NRXN1: variants seen among roughly 807,000 people sequenced by gnomAD.
NRXN1 encodes neurexin-1.
Under a neutral mutation model 150.9 loss-of-function variants are expected in NRXN1, and 39 were observed. The observed-to-expected ratio is 0.26, with a 90% CI of 0.20 to 0.34. The LOEUF is 0.34. Among genes scored for constraint, NRXN1 ranks in the 10% least tolerant of loss-of-function variants. The pLI is 1.00. For synonymous variants in NRXN1, 924 were observed against 757.0 expected (o/e 1.22, Z -3.62); for missense variants, 1,815 against 1,949.9 (o/e 0.93, Z 1.30).
intron 17 of NRXN1, among the ~76,000 whole-genome samples, chr2:50,307,406 T>A (rs760795903): frequency 6.6e-6 from 1 of 152,162 alleles, no homozygotes; most frequent in African/African-American, 2.4e-5. Flanking sequence ...ATTCTGAATA[T>A]CTCTAAAGCC....
At chr2:50,021,428 C>G (rs1687552495) in intron 21 of NRXN1, among the ~76,000 whole-genome samples, 1 of 152,114 alleles carries the variant, frequency 6.6e-6, no homozygotes, top group Non-Finnish European at 1.5e-5. Flanking sequence ...CAAGTGTAAG[C>G]AAAGACAGTA....
At chr2:50,264,289 C>A (rs547498357) in intron 17 of NRXN1, among the ~76,000 whole-genome samples, 1 of 152,030 alleles carries the variant, frequency 6.6e-6, no homozygotes, top group Non-Finnish European at 1.5e-5. Context: ...CACATACGCA[C>A]ATAGAAACAG....
intron 5 of NRXN1, among the ~76,000 whole-genome samples, chr2:50,878,134 A>AT (rs1193594522): frequency 6.6e-6 from 1 of 151,966 alleles, no homozygotes; most frequent in Non-Finnish European, 1.5e-5. Context: ...AAACAGTTCA[A>AT]TAAGTGCCTG....
At chr2:50,199,537 TAC>T (rs67959182) in intron 18 of NRXN1, among the ~76,000 whole-genome samples, 3,177 of 149,368 alleles carry the variant, frequency 0.021, 89 homozygotes, top group African/African-American at 0.064. Flanking sequence ...CTCTTTCTTA[TAC>T]ACACACACAC....
At chr2:50,113,313 A>G (rs191872742) in intron 18 of NRXN1, among the ~76,000 whole-genome samples, 4 of 152,198 alleles carry the variant, frequency 2.6e-5, no homozygotes, top group African/African-American at 7.2e-5. Flanking sequence ...TTATTTGTGC[A>G]TGTGTCTCTT....
chr2:50,540,661 T>C (rs772741394), intron 9 of NRXN1, among the ~76,000 whole-genome samples: 6 of 151,968 alleles, frequency 3.9e-5, no homozygotes, highest in Admixed American at 6.6e-5. Flanking sequence ...AAGTGCCATG[T>C]TCTTTTTTTT....
intron 2 of NRXN1, among the ~76,000 whole-genome samples, chr2:50,955,139 T>A (rs1225522466): frequency 1.3e-5 from 2 of 152,130 alleles, no homozygotes; most frequent in African/African-American, 4.8e-5. Flanking sequence ...GTTAGGGAAG[T>A]AACATTTTAA....
At chr2:50,560,259 G>C (rs1030373782) in intron 8 of NRXN1, among the ~76,000 whole-genome samples, 22 of 152,078 alleles carry the variant, frequency 1.4e-4, no homozygotes, top group Non-Finnish European at 2.9e-5. Flanking sequence ...GCTTTTCTGG[G>C]AATGTCACTC....
chr2:50,729,958 A>G (rs922511084), intron 5 of NRXN1, among the ~76,000 whole-genome samples: 1 of 152,178 alleles, frequency 6.6e-6, no homozygotes. Flanking sequence ...TCTGAGTGAG[A>G]GAGATTTCAT....
chr2:50,308,953 G>A (rs868337631), intron 17 of NRXN1, among the ~76,000 whole-genome samples: 3 of 152,156 alleles, frequency 2.0e-5, no homozygotes, highest in Non-Finnish European at 2.9e-5. Context: ...AGGGTTAAAC[G>A]AGACATGTTT....
At chr2:50,321,890 G>C (rs1474602818) in intron 17 of NRXN1, among the ~76,000 whole-genome samples, 1 of 151,932 alleles carries the variant, frequency 6.6e-6, no homozygotes, top group Non-Finnish European at 1.5e-5. Flanking sequence ...AAATGATCTA[G>C]AAACATTATC....
intron 21 of NRXN1, among the ~76,000 whole-genome samples, chr2:49,965,066 G>C (rs1454648879): frequency 6.6e-6 from 1 of 151,862 alleles, no homozygotes; most frequent in Non-Finnish European, 1.5e-5. Flanking sequence ...TTTTGGTAGA[G>C]ACAGGGTTTC....
At chr2:50,697,722 A>G (rs2104934927) in intron 5 of NRXN1, among the ~76,000 whole-genome samples, 1 of 152,314 alleles carries the variant, frequency 6.6e-6, no homozygotes, top group South Asian at 2.1e-4. Context: ...TTTAGAATAT[A>G]ATTCAAATCC....
At position 50,388,868 on chromosome 2, in the gene NRXN1, A is replaced by G. The variant is rs76294335; in HGVS notation, c.3364+76574T>C. 1.1e-4 allele frequency among the ~76,000 whole-genome samples: 17 copies of G among 152,294 alleles called. No individual in the cohort carries two copies. The East Asian group carries it at 3.3e-3, about 29-fold the overall frequency. ...TGATTTTATGCAACAGCAAAGTAAA[A>G]AAAAAAATATTGTTACTTTGAGATG... is the stretch of plus-strand genomic sequence containing the variant. On this transcript the variant is annotated intron_variant, in intron 17 of 22. Coordinates refer to ENST00000401669, the MANE Select transcript of NRXN1 (RefSeq NM_001330078.2).
At chr2:50,161,700 T>A (rs2059373760) in intron 18 of NRXN1, among the ~76,000 whole-genome samples, 1 of 152,156 alleles carries the variant, frequency 6.6e-6, no homozygotes, top group Admixed American at 6.6e-5. Context: ...TATGTTATAT[T>A]CACTGTTGCA....
chr2:50,414,701 A>C (rs2104146708), intron 17 of NRXN1, among the ~76,000 whole-genome samples: 1 of 152,180 alleles, frequency 6.6e-6, no homozygotes, highest in East Asian at 1.9e-4. Flanking sequence ...TTAAAAGAAA[A>C]ATTTAATGTA....
At position 50,551,041 on chromosome 2, in the gene NRXN1, AGAGGAAGAG is replaced by A. The variant is rs1335161998; in HGVS notation, c.1759+1537_1759+1545del. On this transcript the variant is annotated intron_variant, in intron 9 of 22. Transcript: ENST00000401669. ...AAGAGGAAGAGGAAGAGGAAGAGGA[AGAGGAAGAG>A]GAAGAAGAAGAAGAAGAAGAAGAAG... 7.6e-5 allele frequency among the ~76,000 whole-genome samples: 8 copies of A among 105,362 alleles called. No individual in the cohort carries two copies. The East Asian group carries it at 2.5e-3, about 33-fold the overall frequency. 69.1% of individuals were successfully genotyped at this position (105,362 alleles called of 152,430 possible).
rs543301074 is a variant in NRXN1 at position 50,896,936 on chromosome 2, G to C, written c.832+24933C>G. On this transcript the variant is annotated intron_variant, in intron 5 of 22. Transcript: ENST00000401669. ...TAAGGGATTTAAGCATCTGAAAGAG[G>C]CACTACAGCCAGCGCCCTGAGATGG... 2.2e-3 allele frequency among the ~76,000 whole-genome samples: 333 copies of C among 152,298 alleles called. 2 individuals carry two copies. The highest frequency in any genetic ancestry group is 6.8e-3 in the Middle Eastern group (2 of 294).
At chr2:50,718,323 G>A (rs78631527) in intron 5 of NRXN1, among the ~76,000 whole-genome samples, 57 of 152,232 alleles carry the variant, frequency 3.7e-4, no homozygotes, top group Non-Finnish European at 6.0e-4. Context: ...CCACATTACC[G>A]TTAAAGAAAG....
Sources: gnomAD v4.1 joint callset for allele counts (sites outside exome capture counted in the v4.1 genomes callset) on GRCh38, gnomAD v4.1.1 for gene constraint, MANE v1.5 for transcripts, NCBI Gene and HGNC (gene_info 2026-07-23, HGNC 2026-07-21) for gene names.